The following WDR3 variants were observed in gnomAD, a reference collection of about 807,000 sequenced individuals.
The protein encoded by WDR3 is WD repeat domain 3, also known as WD repeat-containing protein 3.
Under a neutral mutation model 123.7 loss-of-function variants are expected in WDR3, and 81 were observed. The observed-to-expected ratio is 0.65, with a 90% confidence interval of 0.55 to 0.79. The LOEUF is 0.79. Among genes scored for constraint, WDR3 ranks in the 30% least tolerant of loss-of-function variants. The pLI, the probability that WDR3 is intolerant of heterozygous loss-of-function variation, is 0.00. For synonymous variants in WDR3, 390 were observed against 388.8 expected (o/e 1.00, Z -0.04); for missense variants, 1,027 against 1,123.2 (o/e 0.91, Z 1.22).
rs1651654187 is a variant in WDR3, at chr1:117,952,381, C to G, written c.1989C>G (p.Asp663Glu). ...ATAAGATTAAACAGTGGGATGCAGACAAATTTGAACACATACAGACTCTGG... is the reference window on the plus strand; with the variant it reads ...ATAAGATTAAACAGTGGGATGCAGAGAAATTTGAACACATACAGACTCTGG... ...KDHKIKQWDA[D>E]KFEHIQTLEG... The change falls in exon 18 of 27, where the codon GAC becomes GAG. Residue 663 changes from aspartate (D) to glutamate (E), a missense_variant. By Grantham distance (45) the Asp-to-Glu change is conservative. Transcript: ENST00000349139. 1 of 1,613,258 alleles carries G rather than the reference C, an allele frequency of 6.2e-7. No individual in the cohort carries two copies. The highest frequency in any genetic ancestry group is 2.2e-5 in the East Asian group (1 of 44,866).
chr1:117,957,253 C>G (rs1036242246), intron 25 of WDR3, 57 bp downstream of exon 25: 3 of 1,548,908 alleles, frequency 1.9e-6, no homozygotes, highest in Non-Finnish European at 2.6e-6. Context: ...TTCAGTAGTA[C>G]CTTAACTGAA....
rs755581235 is a variant in WDR3, at chr1:117,933,650, A to C, written c.171+160A>C. The C allele has an allele frequency of 1.0e-5, 9 of 883,396 alleles. No individual in the cohort carries two copies. In the African/African-American group the frequency reaches 1.5e-4, roughly 15 times the overall value. 54.7% of individuals were successfully genotyped at this position (883,396 alleles called of 1,614,324 possible). ...TTTAGGTCTAGCTAGCCAAGCATCA[A>C]GTTCCTTTGTGTTCTTCGCCACTGA... On this transcript the variant is annotated intron_variant, in intron 2 of 26. Transcript: ENST00000349139.
Position 117,953,553 on chromosome 1 carries a change from T to C in WDR3, c.2268+12T>C, listed in dbSNP as rs544826219. On this transcript the variant is annotated intron_variant, in intron 21 of 26. Coordinates refer to ENST00000349139, the MANE Select transcript of WDR3 (RefSeq NM_006784.3). ...AAACAGTGAAAGCAGTAAGTTGATA[T>C]AGAATGTGGTATCTCGTTTTTTAAT... is the stretch of plus-strand genomic sequence containing the variant. 5.0e-6 allele frequency: 8 copies of C among 1,608,998 alleles called. No individual in the cohort carries two copies. Among genetic ancestry groups the C allele is most frequent in the East Asian group, 2.2e-5 (1 of 44,774 alleles).
chr1:117,956,515 G>A (rs1367403247), intron 24 of WDR3, among the ~76,000 whole-genome samples: 3 of 152,134 alleles, frequency 2.0e-5, no homozygotes, highest in African/African-American at 7.2e-5. Flanking sequence ...TTCAAGATAG[G>A]AAGATTCTGT....
intron 24 of WDR3, among the ~76,000 whole-genome samples, chr1:117,956,439 G>C (rs1429630775): frequency 6.6e-6 from 1 of 152,090 alleles, no homozygotes; most frequent in African/African-American, 2.4e-5. Context: ...CTTGTCTTAG[G>C]ATAAAGATGA....
intron 1 of WDR3, among the ~76,000 whole-genome samples, chr1:117,930,566 A>G (rs1650676049): frequency 6.6e-6 from 1 of 152,178 alleles, no homozygotes; most frequent in Non-Finnish European, 1.5e-5. Flanking sequence ...GGATAGGGAA[A>G]GCTCATTTGA....
Position 117,962,323 on chromosome 1 carries a change from G to A in WDR3, c.*2876G>A, listed in dbSNP as rs1040855737. The A allele has an allele frequency of 6.6e-5, 10 of 152,158 alleles. No homozygotes were observed. The highest frequency in any genetic ancestry group is 1.5e-4 in the Non-Finnish European group (10 of 68,028). The allele number at this position is 152,158 out of a possible 1,614,324, so 9.4% of individuals were successfully genotyped here. A position where few individuals can be genotyped will look rare whatever the true frequency, so the allele number is the denominator to read the frequency against. On this transcript the variant is annotated 3_prime_UTR_variant, in exon 27 of 27. Coordinates refer to ENST00000349139, the MANE Select transcript of WDR3 (RefSeq NM_006784.3). ...GCATTATAAAGTAAATTTTAAGCCAGGCAAATTTCTAGTCATTAAGTCAGT... is the reference window on the plus strand; with the variant it reads ...GCATTATAAAGTAAATTTTAAGCCAAGCAAATTTCTAGTCATTAAGTCAGT...
In WDR3 at chr1:117,940,867, GA is replaced by G. The variant is rs1651123640; in HGVS notation, c.717del (p.Ser240LeufsTer35). On this transcript the variant is annotated frameshift_variant, in exon 7 of 27. Transcript: ENST00000349139. LOFTEE classifies it high-confidence loss of function. ...PEEPDPKKIKGSSPGIQDTLE... is the reference protein window; with the variant it reads ...PEEPDPKKIKXSSPGIQDTLE... ...GAACCAGACCCCAAGAAAATCAAAGGATCTTCTCCTGGAATACAAGATACTC... is the reference window on the plus strand; with the variant it reads ...GAACCAGACCCCAAGAAAATCAAAGGTCTTCTCCTGGAATACAAGATACTC... 6.2e-7 allele frequency: 1 copy of G among 1,613,736 alleles called. No homozygotes were observed. Among genetic ancestry groups the G allele is most frequent in the Admixed American group, 1.7e-5 (1 of 59,952 alleles).
rs762325194 is a variant in WDR3, at chr1:117,942,430, C to T, written c.990-7C>T. The stretch of plus-strand genomic sequence containing the variant: ...AGAGCATGATATACTTTTCTTCTTC[C>T]CTCTAGATTACATTCTAGCAAAGGA... On this transcript the variant is annotated splice_region_variant and splice_polypyrimidine_tract_variant and intron_variant, in intron 9 of 26. Transcript: ENST00000349139. The T allele has an allele frequency of 1.2e-6, 2 of 1,608,832 alleles. No homozygotes were observed. Among genetic ancestry groups the T allele is most frequent in the African/African-American group, 1.3e-5 (1 of 74,864 alleles).
chr1:117,949,257 T>C (rs950237143), intron 13 of WDR3, among the ~76,000 whole-genome samples: 1 of 152,164 alleles, frequency 6.6e-6, no homozygotes, highest in African/African-American at 2.4e-5. Flanking sequence ...TCCTGTGTTA[T>C]AAATCTATGA....
intron 1 of WDR3, among the ~76,000 whole-genome samples, chr1:117,930,239 C>T (rs1650657321): frequency 6.6e-6 from 1 of 151,974 alleles, no homozygotes; most frequent in African/African-American, 2.4e-5. Context: ...AGAAAGGAGG[C>T]GAAAGCTGTG....
chr1:117,937,657 AG>A (rs1302220330), intron 4 of WDR3, among the ~76,000 whole-genome samples: 1 of 152,178 alleles, frequency 6.6e-6, no homozygotes, highest in African/African-American at 2.4e-5. Context: ...TAACACTGTA[AG>A]GTGGGGTTAT....
At chr1:117,959,240 A>G (rs1346472828) in intron 26 of WDR3, 52 bp from the exon 27 acceptor site, 3 of 1,581,552 alleles carry the variant, frequency 1.9e-6, no homozygotes, top group Non-Finnish European at 1.7e-6. Context: ...ACGCTGCTAT[A>G]ATGAATTGAA....
intron 24 of WDR3, 85 bp downstream of exon 24, chr1:117,955,443 T>C: frequency 1.6e-6 from 2 of 1,257,308 alleles, no homozygotes; most frequent in Admixed American, 1.9e-5. Flanking sequence ...AAATAGAAAT[T>C]ATAATTGATG....
intron 10 of WDR3, among the ~76,000 whole-genome samples, chr1:117,942,889 G>GTTTTT (rs751258995): frequency 5.1e-4 from 60 of 116,650 alleles, no homozygotes; most frequent in East Asian, 1.1e-3. Context: ...TCTGAGCCTA[G>GTTTTT]TTTTTTTTTT....
At position 117,950,817 on chromosome 1, in the gene WDR3, G is replaced by GT. The variant is rs766553251; in HGVS notation, c.1747-10dup. The GT allele has an allele frequency of 5.0e-6, 8 of 1,596,290 alleles. No homozygotes were observed. The Admixed American group carries it at 5.2e-5, about 10-fold the overall frequency. On this transcript the variant is annotated splice_polypyrimidine_tract_variant and intron_variant, in intron 15 of 26. Transcript: ENST00000349139. ...TATTTTATAGACAGACATTAATTAT[G>GT]TTTTTTTGATGTTTAGTTTTTTCTG...
chr1:117,954,141 ATTCCC>A, intron 22 of WDR3, 42 bp downstream of exon 22: 1 of 1,526,738 alleles, frequency 6.5e-7, no homozygotes, highest in Admixed American at 1.9e-5. Flanking sequence ...AATAAAGGGA[ATTCCC>A]AAGGAGAAAA....
Position 117,933,337 on chromosome 1 carries a change from G to T in WDR3, c.18G>T (p.Gln6His). The T allele has an allele frequency of 1.2e-6, 2 of 1,614,196 alleles. No homozygotes were observed. The highest frequency in any genetic ancestry group is 2.2e-5 in the South Asian group (2 of 91,084). ...ATCACAACATGGGGCTCACCAAGCA[G>T]TACCTACGCTATGTTGCTAGTGCGG... Reference protein sequence around the residue: MGLTKQYLRYVASAVF... With the variant: MGLTKHYLRYVASAVF... Residue 6 changes from glutamine to histidine, a missense_variant, in exon 2 of 27, where the codon CAG becomes CAT. Transcript: ENST00000349139.
intron 11 of WDR3, among the ~76,000 whole-genome samples, chr1:117,944,314 C>G (rs986144563): frequency 2.0e-5 from 3 of 152,284 alleles, no homozygotes; most frequent in East Asian, 1.9e-4. Flanking sequence ...CCCTTGCTGT[C>G]TGTTTATTCT....
Sources: gnomAD v4.1 joint callset for allele counts (sites outside exome capture counted in the v4.1 genomes callset) on GRCh38, gnomAD v4.1.1 for gene constraint, MANE v1.5 for transcripts, NCBI Gene and HGNC (gene_info 2026-07-23, HGNC 2026-07-21) for gene names.